TMEM161B: variants seen among roughly 807,000 people sequenced by gnomAD.
The protein encoded by TMEM161B is transmembrane protein 161B.
A neutral mutation model predicts 61.8 loss-of-function variants in TMEM161B; 34 were observed. The observed-to-expected ratio is 0.55, with a 90% CI of 0.42 to 0.73. The LOEUF (loss-of-function observed/expected upper bound fraction) is 0.73, where lower values mean the gene tolerates loss of function less well. Ranked by LOEUF, TMEM161B falls within the 30% of genes least tolerant of loss-of-function variation. TMEM161B has a pLI of 0.00. For missense variants in TMEM161B, 456 were observed against 558.5 expected (o/e 0.82, Z 1.85); for synonymous variants, 167 against 192.8 (o/e 0.87, Z 1.11).
At chr5:88,225,547 G>GAA (rs1218887101) in intron 4 of TMEM161B, among the ~76,000 whole-genome samples, 1 of 152,146 alleles carries the variant, frequency 6.6e-6, no homozygotes, top group Non-Finnish European at 1.5e-5. Context: ...CAGAAACTGT[G>GAA]TAATAAATTT....
At chr5:88,267,740 C>A (rs982050382) in intron 1 of TMEM161B, among the ~76,000 whole-genome samples, 4 of 152,070 alleles carry the variant, frequency 2.6e-5, no homozygotes, top group Admixed American at 2.6e-4. Flanking sequence ...TTGATCCATA[C>A]CCCCCTACCC....
chr5:88,250,888 G>A (rs879008520), intron 1 of TMEM161B: 2 of 152,170 alleles, frequency 1.3e-5, no homozygotes, highest in Admixed American at 1.3e-4. Flanking sequence ...GTAATTGCCT[G>A]ATGGGCTCTT....
intron 5 of TMEM161B, among the ~76,000 whole-genome samples, chr5:88,215,340 T>C (rs1747631846): frequency 6.6e-6 from 1 of 152,016 alleles, no homozygotes; most frequent in Non-Finnish European, 1.5e-5. Flanking sequence ...AATCATAGGG[T>C]ATGAAAGGAA....
At chr5:88,203,377 T>C (rs1264919767) in intron 8 of TMEM161B, among the ~76,000 whole-genome samples, 1 of 152,114 alleles carries the variant, frequency 6.6e-6, no homozygotes, top group Non-Finnish European at 1.5e-5. Context: ...TTTGTTCACT[T>C]CTATTCTAGT....
At position 88,197,679 on chromosome 5, in the gene TMEM161B, CA is replaced by C; in HGVS notation, c.1175del (p.Leu392Ter). 6.2e-7 allele frequency: 1 copy of C among 1,612,258 alleles called. No homozygotes were observed. The highest frequency in any genetic ancestry group is 8.5e-7 in the Non-Finnish European group (1 of 1,178,894). On this transcript the variant is annotated frameshift_variant, in exon 11 of 12. Transcript: ENST00000296595. LOFTEE classifies it high-confidence loss of function. ...LVMLLHTTLLLKTLGNHSWGI... is the reference protein window; with the variant it reads ...LVMLLHTTLLXKTLGNHSWGI... ...CCAGGGCATGCCTACCTAGTGTTTTCAAAAGCAGAGTTGTGTGAAGCAGCAT... is the reference window on the plus strand; with the variant it reads ...CCAGGGCATGCCTACCTAGTGTTTTCAAAGCAGAGTTGTGTGAAGCAGCAT...
chr5:88,266,181 G>A (rs149922287), intron 1 of TMEM161B, among the ~76,000 whole-genome samples: 51 of 152,082 alleles, frequency 3.4e-4, no homozygotes, highest in African/African-American at 1.1e-3. Flanking sequence ...ATTGAGTATC[G>A]GTATACATAA....
chr5:88,199,198 T>TA, intron 9 of TMEM161B, 48 bp from the exon 10 acceptor site: 7 of 1,533,842 alleles, frequency 4.6e-6, no homozygotes, highest in Non-Finnish European at 6.2e-6. Flanking sequence ...AACAATATGC[T>TA]AGCATGCTCG....
At chr5:88,231,404 C>T (rs1426793560) in intron 2 of TMEM161B, among the ~76,000 whole-genome samples, 1 of 152,128 alleles carries the variant, frequency 6.6e-6, no homozygotes, top group African/African-American at 2.4e-5. Context: ...CAGGTAATTA[C>T]TGTCAGAATA....
chr5:88,188,705 G>A (rs1055836478), downstream of TMEM161B, among the ~76,000 whole-genome samples: 1 of 152,180 alleles, frequency 6.6e-6, no homozygotes, highest in Non-Finnish European at 1.5e-5. Flanking sequence ...AGCGTCAGCA[G>A]ACTCGCATCT....
intron 3 of TMEM161B, among the ~76,000 whole-genome samples, chr5:88,226,243 A>G (rs1313787596): frequency 6.6e-6 from 1 of 152,224 alleles, no homozygotes; most frequent in African/African-American, 2.4e-5. Flanking sequence ...ATAAACACAC[A>G]CACACACATA....
chr5:88,207,327 C>A (rs1419473728), intron 5 of TMEM161B, 147 bp from the exon 6 acceptor site: 1 of 701,154 alleles, frequency 1.4e-6, no homozygotes, highest in East Asian at 3.0e-5. Flanking sequence ...AGGAAAAGAG[C>A]ACCCATATAC....
chr5:88,201,035 A>G (rs949328053), intron 9 of TMEM161B: 2 of 139,844 alleles, frequency 1.4e-5, no homozygotes, highest in African/African-American at 4.9e-5. Context: ...AATCTATCAC[A>G]TGCATTTTAG....
chr5:88,221,057 TC>T (rs1257447898), intron 4 of TMEM161B, among the ~76,000 whole-genome samples: 3 of 152,238 alleles, frequency 2.0e-5, no homozygotes, highest in African/African-American at 7.2e-5. Context: ...GTAAATATTT[TC>T]TTTTAAATAT....
At chr5:88,230,650 T>G (rs1750837896) in intron 2 of TMEM161B, among the ~76,000 whole-genome samples, 1 of 152,180 alleles carries the variant, frequency 6.6e-6, no homozygotes, top group African/African-American at 2.4e-5. Flanking sequence ...TTGGTGCTTT[T>G]TGCATATATT....
chr5:88,255,542 A>C (rs140349889), intron 1 of TMEM161B, among the ~76,000 whole-genome samples: 1 of 152,228 alleles, frequency 6.6e-6, no homozygotes, highest in Non-Finnish European at 1.5e-5. Flanking sequence ...CTTGACCTAC[A>C]AAATGGCAAT....
In TMEM161B at chr5:88,207,122, A is replaced by T. The variant is rs758748262; in HGVS notation, c.505T>A (p.Ser169Thr). The change falls in exon 6 of 12, where the codon TCT (serine) becomes ACT (threonine). Residue 169 changes from serine to threonine, a missense_variant. Transcript: ENST00000296595. The part of the protein sequence containing the change: ...YFKVEDGGER[S>T]VCVTFGFFFF... ...AAAAATCCAAAGGTGACACAAACAGATCTTTCACCACCATCTTCTACTTTA... is the reference window on the plus strand; with the variant it reads ...AAAAATCCAAAGGTGACACAAACAGTTCTTTCACCACCATCTTCTACTTTA... 2.9e-5 allele frequency: 46 copies of T among 1,613,282 alleles called. 1 individual carries two copies. In the South Asian group the frequency reaches 4.8e-4, roughly 17 times the overall value.
rs769897157 is a variant in TMEM161B, at chr5:88,196,257, G to A, written c.1418C>T (p.Thr473Ile). 9.3e-6 allele frequency: 15 copies of A among 1,613,002 alleles called. No homozygotes were observed. Among genetic ancestry groups the A allele is most frequent in the African/African-American group, 1.3e-5 (1 of 74,944 alleles). ...GTGATAGAAAAGCCCAAAAAGGCTT[G>A]TAGAAAAGAGGCAAGCAGCAATCCA... ...TWWIAACLFS[T>I]SLFGLFYHQY... Residue 473 changes from threonine to isoleucine, a missense_variant, in exon 12 of 12, where the codon ACA (threonine) becomes ATA (isoleucine). Transcript: ENST00000296595.
intron 1 of TMEM161B, among the ~76,000 whole-genome samples, chr5:88,250,347 C>T (rs1754173806): frequency 6.6e-6 from 1 of 151,964 alleles, no homozygotes; most frequent in Non-Finnish European, 1.5e-5. Flanking sequence ...AGACGTGTTA[C>T]AAAAGAAAAA....
intron 9 of TMEM161B, 55 bp from the exon 10 acceptor site, chr5:88,199,205 C>T: frequency 6.6e-7 from 1 of 1,511,376 alleles, no homozygotes; most frequent in Non-Finnish European, 8.9e-7. Context: ...TGCTAGCATG[C>T]TCGTTATATG....
Sources: allele counts gnomAD v4.1 joint callset (sites outside exome capture counted in the v4.1 genomes callset), GRCh38; gene constraint gnomAD v4.1.1; transcripts MANE v1.5; gene names NCBI Gene and HGNC (gene_info 2026-07-23, HGNC 2026-07-21).